Variants in FN3KRP observed in about 807,000 individuals in gnomAD.
FN3KRP encodes the protein fructosamine 3 kinase related protein, also known as ketosamine-3-kinase.
A neutral mutation model predicts 29.8 loss-of-function variants in FN3KRP; 33 were observed. That is an observed-to-expected ratio of 1.11 (90% CI 0.84 to 1.48). The LOEUF (loss-of-function observed/expected upper bound fraction) is 1.48, where lower values mean the gene tolerates loss of function less well. Ranked by LOEUF, FN3KRP falls within the 40% of genes most tolerant of loss-of-function variation. FN3KRP has a pLI of 0.00. For synonymous variants in FN3KRP, 157 were observed against 155.2 expected (o/e 1.01, Z -0.09); for missense variants, 430 against 402.6 (o/e 1.07, Z -0.58).
At chr17:82,717,046 T>G in intron 1 of FN3KRP, 150 bp downstream of exon 1, 1 of 1,021,128 alleles carries the variant, frequency 9.8e-7, no homozygotes. Flanking sequence ...GGGGAACCCT[T>G]TGCGCGGGGC....
At chr17:82,717,399 A>G (rs538809034) in intron 1 of FN3KRP, among the ~76,000 whole-genome samples, 6 of 151,552 alleles carry the variant, frequency 4.0e-5, no homozygotes, top group Non-Finnish European at 8.8e-5. Flanking sequence ...GCCTCACCAC[A>G]CCCTGGCATG....
intron 5 of FN3KRP, 42 bp downstream of exon 5, chr17:82,726,644 C>G (rs1568062777): frequency 1.3e-6 from 2 of 1,583,178 alleles, no homozygotes; most frequent in Non-Finnish European, 8.6e-7. Flanking sequence ...TGCCACACAC[C>G]CCACTTGCCT....
At position 82,727,526 on chromosome 17, in the gene FN3KRP, AC is replaced by A. The variant is rs775986588; in HGVS notation, c.*356del. 3 of 209,650 alleles carry A rather than the reference AC, an allele frequency of 1.4e-5. No homozygotes were observed. The highest frequency in any genetic ancestry group is 2.3e-5 in the African/African-American group (1 of 43,694). The allele number at this position is 209,650 out of a possible 1,614,324, so 13.0% of individuals were successfully genotyped here. A position where few individuals can be genotyped will look rare whatever the true frequency, so the allele number is the denominator to read the frequency against. On this transcript the variant is annotated 3_prime_UTR_variant, in exon 6 of 6. Transcript: ENST00000269373. ...AGGGAGGTGGCCAGCGCCCCCGGGCACTGCTGCTCATAGGTACCTTTCCACT... is the reference window on the plus strand; with the variant it reads ...AGGGAGGTGGCCAGCGCCCCCGGGCATGCTGCTCATAGGTACCTTTCCACT...
At chr17:82,724,726 G>T (rs1368944132) in intron 4 of FN3KRP, among the ~76,000 whole-genome samples, 2 of 152,200 alleles carry the variant, frequency 1.3e-5, no homozygotes, top group African/African-American at 4.8e-5. Context: ...GAGCACGAGG[G>T]AGCAGGCCCC....
intron 3 of FN3KRP, among the ~76,000 whole-genome samples, chr17:82,721,405 A>C (rs1404722900): frequency 2.6e-5 from 4 of 151,696 alleles, no homozygotes; most frequent in Admixed American, 6.6e-5. Flanking sequence ...ATTTCAAAGC[A>C]CAATAGTTTA....
intron 4 of FN3KRP, among the ~76,000 whole-genome samples, chr17:82,723,607 ACGCATGTG>A (rs1568061381): frequency 1.3e-5 from 2 of 151,936 alleles, no homozygotes; most frequent in Admixed American, 6.5e-5. Context: ...GTGTATGTGC[ACGCATGTG>A]TGCATATGTG....
At chr17:82,722,024 G>A (rs964578220) in intron 3 of FN3KRP, among the ~76,000 whole-genome samples, 1 of 149,672 alleles carries the variant, frequency 6.7e-6, no homozygotes, top group Non-Finnish European at 1.5e-5. Context: ...AGTAGAGATG[G>A]GGTTTCTCCA....
Position 82,716,861 on chromosome 17 carries a change from G to A in FN3KRP, c.106G>A (p.Gly36Arg), listed in dbSNP as rs149332044. ...SQGRSYDTDQGRVFVKVNPKA... is the reference protein window; with the variant it reads ...SQGRSYDTDQRRVFVKVNPKA... ...GGGCCGGAGCTACGACACGGATCAA[G>A]GACGAGTGTTCGTGAAAGTGAACCC... Residue 36 changes from glycine to arginine, a missense_variant, in exon 1 of 6, where the codon GGA becomes AGA. Gly to Arg is a moderately radical substitution (Grantham distance 125). Coordinates refer to ENST00000269373, the MANE Select transcript of FN3KRP (RefSeq NM_024619.4). 115 of 1,567,252 alleles carry A rather than the reference G, an allele frequency of 7.3e-5. No individual in the cohort carries two copies. The African/African-American group carries it at 8.7e-4, about 12-fold the overall frequency.
At chr17:82,726,779 G>C in intron 5 of FN3KRP, 54 bp from the exon 6 acceptor site, 2 of 1,497,512 alleles carry the variant, frequency 1.3e-6, no homozygotes, top group Non-Finnish European at 1.8e-6. Context: ...CTGGAGCGGC[G>C]CCCCTCATGC....
chr17:82,722,089 C>T (rs1209002118), intron 3 of FN3KRP, among the ~76,000 whole-genome samples: 1 of 151,826 alleles, frequency 6.6e-6, no homozygotes, highest in Non-Finnish European at 1.5e-5. Flanking sequence ...CTGCCTTGGC[C>T]TCCCAAAGTG....
intron 1 of FN3KRP, 111 bp downstream of exon 1, chr17:82,717,007 C>G (rs999936894): frequency 6.0e-5 from 79 of 1,309,624 alleles, no homozygotes; most frequent in Non-Finnish European, 7.5e-5. Flanking sequence ...GTGGGTGGCT[C>G]TCCCGGGACT....
intron 1 of FN3KRP, chr17:82,718,671 C>T (rs1426220231): frequency 3.2e-6 from 4 of 1,267,628 alleles, no homozygotes; most frequent in African/African-American, 3.0e-5. Context: ...AACCACAGCA[C>T]ACAAGTGTAG....
At chr17:82,719,179 GTGTTCAC>G in intron 2 of FN3KRP, 122 bp downstream of exon 2, 10 of 907,584 alleles carry the variant, frequency 1.1e-5, no homozygotes, top group Non-Finnish European at 1.7e-5. Context: ...GAGCAGGTGT[GTGTTCAC>G]ACCACCCCCC....
intron 2 of FN3KRP, 140 bp from the exon 3 acceptor site, chr17:82,720,132 C>T: frequency 3.4e-6 from 2 of 581,576 alleles, no homozygotes; most frequent in Non-Finnish European, 6.0e-6. Flanking sequence ...TGCCACTGCC[C>T]TCCAGCCTGG....
At chr17:82,723,256 G>C (rs780334204) in intron 4 of FN3KRP, among the ~76,000 whole-genome samples, 1 of 152,160 alleles carries the variant, frequency 6.6e-6, no homozygotes, top group African/African-American at 2.4e-5. Flanking sequence ...TCTGCTTGAC[G>C]CCCAGCACAT....
intron 3 of FN3KRP, chr17:82,720,697 C>T (rs1257743789): frequency 5.0e-6 from 1 of 200,850 alleles, no homozygotes; most frequent in Non-Finnish European, 1.0e-5. Context: ...AACCCAGGGT[C>T]TGTTCCTGTA....
Position 82,727,487 on chromosome 17 carries a change from G to A in FN3KRP, c.*316G>A. On this transcript the variant is annotated 3_prime_UTR_variant, in exon 6 of 6. Transcript: ENST00000269373. ...GTGAACCCCTGTGGGTGCGGGGGAGGGTATCCGGTGCGCAGGGAGGTGGCC... is the reference window on the plus strand; with the variant it reads ...GTGAACCCCTGTGGGTGCGGGGGAGAGTATCCGGTGCGCAGGGAGGTGGCC... 1 of 259,718 alleles carries A rather than the reference G, an allele frequency of 3.9e-6. No homozygotes were observed. Among genetic ancestry groups the A allele is most frequent in the Admixed American group, 4.8e-5 (1 of 20,742 alleles). The allele number at this position is 259,718 out of a possible 1,614,324, so 16.1% of individuals were successfully genotyped here. A position where few individuals can be genotyped will look rare whatever the true frequency, so the allele number is the denominator to read the frequency against.
At chr17:82,725,281 A>C (rs1218626950) in intron 4 of FN3KRP, among the ~76,000 whole-genome samples, 1 of 151,730 alleles carries the variant, frequency 6.6e-6, no homozygotes, top group Non-Finnish European at 1.5e-5. Context: ...GGCATACACC[A>C]CCACACTTGG....
At chr17:82,723,116 G>T (rs1039860638) in intron 4 of FN3KRP, among the ~76,000 whole-genome samples, 7 of 144,606 alleles carry the variant, frequency 4.8e-5, no homozygotes, top group Non-Finnish European at 1.1e-4. Flanking sequence ...TTCAAGGTGG[G>T]TAAAAATGAG....
Sources: gnomAD v4.1 joint callset for allele counts (sites outside exome capture counted in the v4.1 genomes callset) on GRCh38, gnomAD v4.1.1 for gene constraint, MANE v1.5 for transcripts, NCBI Gene and HGNC (gene_info 2026-07-23, HGNC 2026-07-21) for gene names.